Variants in OGFOD1 observed in about 807,000 individuals in gnomAD.
OGFOD1 encodes prolyl 3-hydroxylase OGFOD1.
A neutral mutation model predicts 67.7 loss-of-function variants in OGFOD1; 54 were observed. The ratio of observed to expected loss-of-function variants is 0.80; its 90% CI spans 0.64 to 1.00. The LOEUF (loss-of-function observed/expected upper bound fraction) is 1.00. Among genes scored for constraint, OGFOD1 ranks in the 50% least tolerant of loss-of-function variants. The pLI is 0.00. For synonymous variants in OGFOD1, 221 were observed against 227.0 expected (o/e 0.97, Z 0.24); for missense variants, 606 against 646.7 (o/e 0.94, Z 0.68).
chr16:56,469,889 T>A (rs1963077628), intron 8 of OGFOD1, 114 bp from the exon 9 acceptor site: 5 of 599,356 alleles, frequency 8.3e-6, no homozygotes, highest in Non-Finnish European at 1.2e-5. Flanking sequence ...GAGAGTCAAC[T>A]GCACCTTTTA....
At chr16:56,470,401 G>T in intron 9 of OGFOD1, 86 bp from the exon 10 acceptor site, 2 of 1,214,780 alleles carry the variant, frequency 1.6e-6, no homozygotes, top group Non-Finnish European at 2.3e-6. Flanking sequence ...TAGGAAGAGA[G>T]GTACAAAGCT....
chr16:56,466,275 T>C lies in OGFOD1; in HGVS notation c.565+7T>C. 1 of 1,563,300 alleles carries C rather than the reference T, an allele frequency of 6.4e-7. No homozygotes were observed. The highest frequency in any genetic ancestry group is 8.8e-7 in the Non-Finnish European group (1 of 1,133,758). ...GACCTGTACAGCATTGATGGTAAGA[T>C]AAGTATAAGTGCATGCACTTCACCA... On this transcript the variant is annotated splice_region_variant and intron_variant, in intron 5 of 12. Coordinates refer to ENST00000566157, the MANE Select transcript of OGFOD1 (RefSeq NM_018233.4).
intron 8 of OGFOD1, among the ~76,000 whole-genome samples, chr16:56,469,370 A>G (rs1483691915): frequency 1.3e-5 from 2 of 151,704 alleles, no homozygotes; most frequent in Admixed American, 6.6e-5. Flanking sequence ...GAGTTGTATT[A>G]TGGTCTGTAT....
chr16:56,465,243 G>A (rs779092053), intron 4 of OGFOD1, among the ~76,000 whole-genome samples: 2 of 152,028 alleles, frequency 1.3e-5, no homozygotes, highest in Non-Finnish European at 2.9e-5. Context: ...CAGATGATCT[G>A]CCTGCCTTGG....
chr16:56,462,678 T>A, intron 4 of OGFOD1, 44 bp downstream of exon 4: 1 of 1,137,202 alleles, frequency 8.8e-7, no homozygotes, highest in Non-Finnish European at 1.3e-6. Flanking sequence ...ATAAAGGCTT[T>A]AACTCAGCAT....
chr16:56,475,946 A>G (rs187290156), intron 12 of OGFOD1, 98 bp from the exon 13 acceptor site: 3 of 1,115,422 alleles, frequency 2.7e-6, no homozygotes, highest in Non-Finnish European at 3.9e-6. Flanking sequence ...TCCCCAGATT[A>G]AGTGCTTGAT....
intron 8 of OGFOD1, among the ~76,000 whole-genome samples, chr16:56,469,654 G>A (rs1193738760): frequency 1.3e-5 from 2 of 151,862 alleles, no homozygotes; most frequent in African/African-American, 4.8e-5. Flanking sequence ...TCGGGAGTTC[G>A]AGACCAGCCA....
At chr16:56,452,543 T>C (rs539886624) in intron 1 of OGFOD1, among the ~76,000 whole-genome samples, 7 of 152,344 alleles carry the variant, frequency 4.6e-5, no homozygotes, top group African/African-American at 1.7e-4. Flanking sequence ...TCAAGTGCTT[T>C]GAAGAGGTGA....
At chr16:56,472,810 C>T (rs1353654216) in intron 10 of OGFOD1, among the ~76,000 whole-genome samples, 1 of 152,114 alleles carries the variant, frequency 6.6e-6, no homozygotes, top group Non-Finnish European at 1.5e-5. Context: ...ATTTTTTCCA[C>T]TTAATATTTC....
intron 3 of OGFOD1, 80 bp downstream of exon 3, chr16:56,458,674 T>C (rs1962610288): frequency 3.5e-6 from 4 of 1,155,564 alleles, no homozygotes; most frequent in Non-Finnish European, 1.3e-6. Flanking sequence ...CAACATTGTG[T>C]ATGTCATATA....
intron 11 of OGFOD1, among the ~76,000 whole-genome samples, 171 bp downstream of exon 11, chr16:56,475,121 G>A (rs572666957): frequency 6.6e-6 from 1 of 152,246 alleles, no homozygotes; most frequent in South Asian, 2.1e-4. Context: ...CAGTCTCCCA[G>A]CTCAAAATAG....
intron 2 of OGFOD1, among the ~76,000 whole-genome samples, chr16:56,455,253 G>C (rs1163950415): frequency 4.0e-5 from 6 of 151,852 alleles, no homozygotes; most frequent in Admixed American, 2.0e-4. Context: ...TATAATCCCA[G>C]CTACTCGGAA....
At chr16:56,466,854 G>C (rs1326117390) in intron 5 of OGFOD1, 22 bp from the exon 6 acceptor site, 3 of 1,549,622 alleles carry the variant, frequency 1.9e-6, no homozygotes, top group East Asian at 2.2e-5. Context: ...ATAATTTATT[G>C]ATGTGTTCTT....
At chr16:56,470,241 A>G (rs77872127) in intron 9 of OGFOD1, among the ~76,000 whole-genome samples, 159 bp downstream of exon 9, 5,985 of 152,268 alleles carry the variant, frequency 0.039, 146 homozygotes, top group East Asian at 0.13. Context: ...AAAATATACA[A>G]TCATGCACCA....
chr16:56,464,957 T>C (rs1449538459), intron 4 of OGFOD1, among the ~76,000 whole-genome samples: 2 of 152,126 alleles, frequency 1.3e-5, no homozygotes, highest in Non-Finnish European at 2.9e-5. Flanking sequence ...TACATGTATA[T>C]ACACATGTGG....
chr16:56,472,104 G>A (rs1376866555), intron 10 of OGFOD1, among the ~76,000 whole-genome samples: 4 of 152,060 alleles, frequency 2.6e-5, no homozygotes, highest in African/African-American at 9.7e-5. Context: ...TGGGATCACA[G>A]GCATATGCCA....
chr16:56,477,211 C>G lies in OGFOD1; in HGVS notation c.*1006C>G, dbSNP rs1177054096. The G allele has an allele frequency of 6.6e-6, 1 of 152,132 alleles. No homozygotes were observed. The highest frequency in any genetic ancestry group is 2.4e-5 in the African/African-American group (1 of 41,434). 9.4% of individuals were successfully genotyped at this position (152,132 alleles called of 1,614,324 possible). Reference sequence around the variant, plus strand: ...ATTTCTGGTTTAGAAAATTATGGAGCCTTACATCCTGATCATGCTGGGCCT... The same window carrying G: ...ATTTCTGGTTTAGAAAATTATGGAGGCTTACATCCTGATCATGCTGGGCCT... On this transcript the variant is annotated 3_prime_UTR_variant, in exon 13 of 13. Transcript: ENST00000566157.
intron 8 of OGFOD1, among the ~76,000 whole-genome samples, chr16:56,469,608 C>A (rs1963057161): frequency 6.6e-6 from 1 of 151,788 alleles, no homozygotes; most frequent in Admixed American, 6.6e-5. Context: ...TAATCTCAAC[C>A]CTTTGGGAAT....
At chr16:56,463,610 A>G (rs1217356671) in intron 4 of OGFOD1, among the ~76,000 whole-genome samples, 1 of 151,424 alleles carries the variant, frequency 6.6e-6, no homozygotes, top group Admixed American at 6.6e-5. Context: ...TTTAGTAGAG[A>G]TGGAGTTTCA....
Sources: gnomAD v4.1 joint callset for allele counts (sites outside exome capture counted in the v4.1 genomes callset) on GRCh38, gnomAD v4.1.1 for gene constraint, MANE v1.5 for transcripts, NCBI Gene and HGNC (gene_info 2026-07-23, HGNC 2026-07-21) for gene names.